The following LRRC28 variants were observed in gnomAD, a reference collection of about 807,000 sequenced individuals.
LRRC28 encodes leucine-rich repeat-containing protein 28.
A neutral mutation model predicts 45.7 loss-of-function variants in LRRC28; 39 were observed. The ratio of observed to expected loss-of-function variants is 0.85; its 90% confidence interval spans 0.66 to 1.12. The LOEUF (loss-of-function observed/expected upper bound fraction) is 1.12, where lower values mean the gene tolerates loss of function less well. LRRC28 is among the 50% of genes most tolerant of loss of function. The pLI, the probability that LRRC28 is intolerant of heterozygous loss-of-function variation, is 0.00. For synonymous variants in LRRC28, 206 were observed against 178.8 expected, an observed-to-expected ratio of 1.15 and a Z score of -1.22; for missense variants, 435 against 438.5, an observed-to-expected ratio of 0.99 and a Z score of 0.07.
At chr15:99,256,680 T>A (rs2081031301) in intron 2 of LRRC28, among the ~76,000 whole-genome samples, 1 of 152,228 alleles carries the variant, frequency 6.6e-6, no homozygotes. Flanking sequence ...GCATACAATT[T>A]TTTGGAAAAA....
intron 6 of LRRC28, among the ~76,000 whole-genome samples, chr15:99,351,278 GAA>G (rs560648597): frequency 3.3e-5 from 5 of 152,156 alleles, no homozygotes; most frequent in Non-Finnish European, 5.9e-5. Flanking sequence ...GTATATCTGA[GAA>G]GTGTCTCCAC....
intron 9 of LRRC28, among the ~76,000 whole-genome samples, chr15:99,367,905 A>C (rs1247746617): frequency 1.3e-5 from 2 of 152,134 alleles, no homozygotes; most frequent in African/African-American, 2.4e-5. Context: ...ATGGGGCTAA[A>C]AGTCCCAACC....
intron 5 of LRRC28, among the ~76,000 whole-genome samples, chr15:99,302,817 T>G (rs1445191504): frequency 6.6e-6 from 1 of 152,242 alleles, no homozygotes; most frequent in Non-Finnish European, 1.5e-5. Context: ...CATAACCTCA[T>G]GTTTTAGTAG....
intron 5 of LRRC28, among the ~76,000 whole-genome samples, chr15:99,313,017 A>G (rs1453514660): frequency 6.6e-6 from 1 of 152,176 alleles, no homozygotes; most frequent in Admixed American, 6.5e-5. Context: ...ATAAAGCAAG[A>G]CCCAAACTAT....
intron 5 of LRRC28, among the ~76,000 whole-genome samples, chr15:99,301,168 C>G (rs961957193): frequency 2.0e-5 from 3 of 152,122 alleles, no homozygotes; most frequent in African/African-American, 7.2e-5. Flanking sequence ...TTACAAAGAC[C>G]AAATCCCTAA....
At chr15:99,289,481 A>T (rs36074799) in intron 5 of LRRC28, among the ~76,000 whole-genome samples, 14,570 of 152,272 alleles carry the variant, frequency 0.096, 983 homozygotes, top group East Asian at 0.32. Flanking sequence ...GGGTTGCAAG[A>T]GAATGTTAAA....
intron 6 of LRRC28, among the ~76,000 whole-genome samples, chr15:99,342,839 A>C (rs987157716): frequency 9.8e-5 from 15 of 152,340 alleles, no homozygotes; most frequent in Middle Eastern, 3.4e-3. Flanking sequence ...ATTATAATTC[A>C]CTGTGAAGTC....
At chr15:99,285,442 A>G (rs539550425) in intron 3 of LRRC28, 2 of 810,176 alleles carry the variant, frequency 2.5e-6, no homozygotes, top group South Asian at 1.4e-5. Flanking sequence ...GGGATCTCCC[A>G]TGACCACACA....
At chr15:99,258,468 C>G in intron 2 of LRRC28, 1 of 802,884 alleles carries the variant, frequency 1.2e-6, no homozygotes, top group Non-Finnish European at 2.2e-6. Flanking sequence ...ATGTATGGAG[C>G]AGCAAGACTG....
Position 99,313,541 on chromosome 15 carries a change from A to G in LRRC28, c.386-20382A>G, listed in dbSNP as rs549478003. ...TTCTTCAGGATAGATCATATATGCT[A>G]GGCCATAAAGCAATTCAAAAGAACT... is the stretch of plus-strand genomic sequence containing the variant. On this transcript the variant is annotated intron_variant, in intron 5 of 9. Coordinates refer to ENST00000301981, the MANE Select transcript of LRRC28 (RefSeq NM_144598.5). Among the ~76,000 whole-genome samples, 24 of 152,270 alleles carry G rather than the reference A, an allele frequency of 1.6e-4. 1 individual carries two copies.
chr15:99,329,766 A>G (rs995551553), intron 5 of LRRC28, among the ~76,000 whole-genome samples: 1 of 152,226 alleles, frequency 6.6e-6, no homozygotes, highest in African/African-American at 2.4e-5. Context: ...TGATCTCGTC[A>G]GAAGACTTAG....
intron 6 of LRRC28, among the ~76,000 whole-genome samples, chr15:99,340,211 G>C (rs1342146377): frequency 6.6e-6 from 1 of 152,202 alleles, no homozygotes; most frequent in Admixed American, 6.5e-5. Flanking sequence ...ACTTGTATTT[G>C]TTTGTAGGAA....
rs1490846473 is a variant in LRRC28, at chr15:99,363,123, C to T, written c.889C>T (p.Pro297Ser). 3 of 1,609,820 alleles carry T rather than the reference C, an allele frequency of 1.9e-6. No individual in the cohort carries two copies. In the African/African-American group the frequency reaches 4.0e-5, roughly 22 times the overall value. ...TGTTCCAGATTTGAACTTTCTGTCT[C>T]CAATCTCATTACCCAGAAGTCTCCT... is the stretch of plus-strand genomic sequence containing the variant. Reference protein sequence around the residue: ...SLLKDLNFLSPISLPRSLLEL... With the variant: ...SLLKDLNFLSSISLPRSLLEL... Residue 297 changes from proline to serine, a missense_variant, in exon 9 of 10, where the codon CCA becomes TCA. Physicochemically the swap from Pro to Ser is moderately conservative, Grantham distance 74. Transcript: ENST00000301981.
intron 6 of LRRC28, among the ~76,000 whole-genome samples, chr15:99,340,652 C>G (rs1323976606): frequency 1.3e-5 from 2 of 152,048 alleles, no homozygotes; most frequent in African/African-American, 2.4e-5. Context: ...AATTTGTGGC[C>G]TTAAGTAAAT....
intron 8 of LRRC28, 67 bp downstream of exon 8, chr15:99,361,578 GT>G (rs1957204866): frequency 1.7e-5 from 24 of 1,441,014 alleles, no homozygotes. Flanking sequence ...TGGTGCACCT[GT>G]TTTGGCGTTC....
At chr15:99,344,863 C>T (rs984856971) in intron 6 of LRRC28, among the ~76,000 whole-genome samples, 2 of 152,182 alleles carry the variant, frequency 1.3e-5, no homozygotes, top group Non-Finnish European at 2.9e-5. Flanking sequence ...GGGGATGAAT[C>T]ATTGTCTCTA....
intron 4 of LRRC28, 49 bp from the exon 5 acceptor site, chr15:99,287,765 T>C (rs774996961): frequency 1.9e-6 from 3 of 1,546,462 alleles, no homozygotes; most frequent in East Asian, 4.6e-5. Context: ...AAAGATTTGA[T>C]GTAATACTTG....
intron 2 of LRRC28, among the ~76,000 whole-genome samples, chr15:99,267,352 G>C (rs1054994357): frequency 3.3e-5 from 5 of 152,174 alleles, no homozygotes; most frequent in African/African-American, 1.2e-4. Context: ...AAGTTAAGGA[G>C]ATGGCCTAAA....
At chr15:99,260,280 C>T (rs1466747148) in intron 2 of LRRC28, among the ~76,000 whole-genome samples, 1 of 152,082 alleles carries the variant, frequency 6.6e-6, no homozygotes, top group Non-Finnish European at 1.5e-5. Flanking sequence ...AAAAGATTTC[C>T]TCCCCACCAA....
Sources: allele counts gnomAD v4.1 joint callset (sites outside exome capture counted in the v4.1 genomes callset), GRCh38; gene constraint gnomAD v4.1.1; transcripts MANE v1.5; gene names NCBI Gene and HGNC (gene_info 2026-07-23, HGNC 2026-07-21).